The following COBLL1 variants were observed in gnomAD, a reference collection of about 807,000 sequenced individuals.
COBLL1 encodes the protein cordon-bleu WH2 repeat protein like 1, also known as cordon-bleu protein-like 1.
COBLL1 carries 50 observed loss-of-function variants against 94.8 expected under a neutral mutation model. That is an observed-to-expected ratio of 0.53 (90% CI 0.42 to 0.67). The LOEUF (loss-of-function observed/expected upper bound fraction) is 0.67. Among genes scored for constraint, COBLL1 ranks in the 30% least tolerant of loss-of-function variants. The probability of loss-of-function intolerance (pLI) is 0.00; values close to 1 mark genes in which losing one functional copy is unlikely to be tolerated. For missense variants in COBLL1, 1,362 were observed against 1,348.7 expected, an observed-to-expected ratio of 1.01 and a Z score of -0.15; for synonymous variants, 448 against 473.8, an observed-to-expected ratio of 0.95 and a Z score of 0.71.
At chr2:164,819,571 A>G (rs1685055435) in intron 2 of COBLL1, among the ~76,000 whole-genome samples, 1 of 152,184 alleles carries the variant, frequency 6.6e-6, no homozygotes, top group African/African-American at 2.4e-5. Flanking sequence ...ATGCAATGAA[A>G]GCTCAGAGAT....
At chr2:164,734,964 G>C (rs545060488) in intron 3 of COBLL1, among the ~76,000 whole-genome samples, 117 of 152,284 alleles carry the variant, frequency 7.7e-4, no homozygotes, top group African/African-American at 2.6e-3. Context: ...CCCCAAGAAC[G>C]TAAAACTCTT....
chr2:164,673,790 T>C (rs918155212), intron 1 of COBLL1, among the ~76,000 whole-genome samples: 3 of 152,230 alleles, frequency 2.0e-5, no homozygotes, highest in African/African-American at 7.2e-5. Context: ...TATATTTGTG[T>C]ATTGTTTATG....
chr2:164,686,565 T>C (rs1363874210), intron 13 of COBLL1, among the ~76,000 whole-genome samples: 1 of 151,840 alleles, frequency 6.6e-6, no homozygotes, highest in Non-Finnish European at 1.5e-5. Context: ...AATCTGTGAC[T>C]GTTAAGCCAA....
At chr2:164,763,985 C>G (rs981960024) in intron 2 of COBLL1, among the ~76,000 whole-genome samples, 7 of 152,176 alleles carry the variant, frequency 4.6e-5, no homozygotes, top group Non-Finnish European at 8.8e-5. Flanking sequence ...CAGCCACGAC[C>G]TATTGGCTCA....
At chr2:164,680,161 T>A (rs1301277285), downstream of COBLL1, 1 of 152,032 alleles carries the variant, frequency 6.6e-6, no homozygotes, top group Non-Finnish European at 1.5e-5. Flanking sequence ...TTTATCCATA[T>A]GAATAGAGTG....
At chr2:164,679,505 A>C (rs1370150996), downstream of COBLL1, among the ~76,000 whole-genome samples, 3 of 152,134 alleles carry the variant, frequency 2.0e-5, no homozygotes, top group East Asian at 5.8e-4. Flanking sequence ...GCAGAAAAAA[A>C]TGGGGCCATG....
intron 2 of COBLL1, among the ~76,000 whole-genome samples, chr2:164,746,643 A>G (rs1384070547): frequency 6.6e-6 from 1 of 152,036 alleles, no homozygotes; most frequent in Non-Finnish European, 1.5e-5. Flanking sequence ...TCAATTTATG[A>G]CGAGGTTACA....
chr2:164,734,449 AGTGAAG>A (rs1461334602), intron 3 of COBLL1, among the ~76,000 whole-genome samples: 1 of 152,220 alleles, frequency 6.6e-6, no homozygotes, highest in East Asian at 1.9e-4. Context: ...AGGCCTTTCA[AGTGAAG>A]ACTTGAGATT....
intron 2 of COBLL1, among the ~76,000 whole-genome samples, chr2:164,826,589 G>C (rs968219793): frequency 3.3e-5 from 5 of 152,198 alleles, no homozygotes; most frequent in Non-Finnish European, 7.3e-5. Flanking sequence ...GGGTTAGAGA[G>C]GGGAAACAGT....
At chr2:164,705,948 C>T (rs770193290) in intron 7 of COBLL1, among the ~76,000 whole-genome samples, 3 of 152,162 alleles carry the variant, frequency 2.0e-5, no homozygotes, top group Non-Finnish European at 4.4e-5. Flanking sequence ...GCAGGAGAAT[C>T]GCTTGAATCC....
At chr2:164,663,000 A>G (rs1017792810) in intron 2 of COBLL1, among the ~76,000 whole-genome samples, 1 of 152,202 alleles carries the variant, frequency 6.6e-6, no homozygotes, top group Admixed American at 6.5e-5. Flanking sequence ...AGTCAGTATA[A>G]TATCATGGCA....
chr2:164,704,836 A>T, intron 8 of COBLL1, 116 bp downstream of exon 8: 1 of 1,120,078 alleles, frequency 8.9e-7, no homozygotes, highest in Non-Finnish European at 1.3e-6. Context: ...ATCAAGATGT[A>T]TTTAAAAAGC....
rs1558921877 is a variant in COBLL1, at chr2:164,692,222, C to T, written c.3299G>A (p.Arg1100Lys). The T allele has an allele frequency of 6.3e-7, 1 of 1,598,172 alleles. No individual in the cohort carries two copies. The change falls in exon 13 of 14, where the codon AGG becomes AAG. Residue 1100 changes from arginine (R) to lysine (K), a missense_variant and splice_region_variant. Arg to Lys is a conservative substitution (Grantham distance 26). Transcript: ENST00000652658. ...ACCCATCTGATAAAGAAGACTTACC[C>T]TTTTCAATTTGGCAGCAGCCTCTCC... is the stretch of plus-strand genomic sequence containing the variant. ...RSGEAAAKLK[R>K]VTIPSNTISV... is the part of the protein sequence containing the mutation.
At chr2:164,678,928 A>G (rs1365955168), downstream of COBLL1, among the ~76,000 whole-genome samples, 2 of 152,158 alleles carry the variant, frequency 1.3e-5, no homozygotes, top group Admixed American at 1.3e-4. Flanking sequence ...AAATAAAGGA[A>G]CAAACTTGTC....
At chr2:164,675,447 TTAAA>T (rs1691320091), downstream of COBLL1, among the ~76,000 whole-genome samples, 1 of 152,110 alleles carries the variant, frequency 6.6e-6, no homozygotes, top group Admixed American at 6.5e-5. Context: ...AAATTTATAT[TTAAA>T]TAAATATAGG....
intron 7 of COBLL1, chr2:164,718,354 C>T (rs940989777): frequency 2.2e-6 from 1 of 446,974 alleles, no homozygotes; most frequent in Non-Finnish European, 3.0e-6. Context: ...CATGTTATAC[C>T]CATCAATTTA....
At chr2:164,744,521 AAG>A (rs1404985995) in intron 2 of COBLL1, among the ~76,000 whole-genome samples, 1 of 152,166 alleles carries the variant, frequency 6.6e-6, no homozygotes, top group Non-Finnish European at 1.5e-5. Flanking sequence ...CCCTGCAAAA[AAG>A]AAGCATGAAG....
At position 164,778,539 on chromosome 2, in the gene COBLL1, G is replaced by T. The variant is rs1262643845; in HGVS notation, c.42-34664C>A. ...AAGTGCTTGAACCCAGGAGGCAGAG[G>T]TTGCAGTAAGCTGAGATCATGCCAC... On this transcript the variant is annotated intron_variant, in intron 2 of 13. Transcript: ENST00000652658. 2.0e-5 allele frequency among the ~76,000 whole-genome samples: 3 copies of T among 152,112 alleles called. No homozygotes were observed. In the East Asian group the frequency reaches 5.8e-4, roughly 29 times the overall value.
chr2:164,686,191 C>A (rs1309264362), intron 13 of COBLL1, among the ~76,000 whole-genome samples, 159 bp from the exon 14 acceptor site: 1 of 152,026 alleles, frequency 6.6e-6, no homozygotes, highest in Non-Finnish European at 1.5e-5. Flanking sequence ...GTTCATTCTA[C>A]CATAAAATTT....
Sources: allele counts gnomAD v4.1 joint callset (sites outside exome capture counted in the v4.1 genomes callset), GRCh38; gene constraint gnomAD v4.1.1; transcripts MANE v1.5; gene names NCBI Gene and HGNC (gene_info 2026-07-23, HGNC 2026-07-21).